Variants in RAB37 observed in about 807,000 individuals in gnomAD.
RAB37 encodes ras-related protein Rab-37.
In RAB37, 29 loss-of-function variants were observed where a neutral mutation model predicts 33.1. The observed-to-expected ratio is 0.88, with a 90% confidence interval of 0.65 to 1.20. RAB37 has a LOEUF of 1.20. Ranked by LOEUF, RAB37 falls within the 50% of genes most tolerant of loss-of-function variation. The probability of loss-of-function intolerance (pLI) is 0.00; values close to 1 mark genes in which losing one functional copy is unlikely to be tolerated. For missense variants in RAB37, 299 were observed against 301.1 expected (o/e 0.99, Z 0.05); for synonymous variants, 128 against 119.5 (o/e 1.07, Z -0.47).
intron 1 of RAB37, chr17:74,703,053 C>T (rs1473250219): frequency 1.2e-6 from 2 of 1,613,814 alleles, no homozygotes; most frequent in Admixed American, 1.7e-5. Flanking sequence ...CAAGTGGTGG[C>T]CGGTCAGAGT....
At chr17:74,684,527 C>T (rs148519888) in intron 1 of RAB37, among the ~76,000 whole-genome samples, 12 of 152,246 alleles carry the variant, frequency 7.9e-5, no homozygotes, top group Non-Finnish European at 1.6e-4. Flanking sequence ...GTGGCTTACG[C>T]CTATAATCCC....
At chr17:74,707,098 C>A (rs1477194899) in intron 1 of RAB37, among the ~76,000 whole-genome samples, 2 of 152,104 alleles carry the variant, frequency 1.3e-5, no homozygotes, top group Non-Finnish European at 2.9e-5. Context: ...GGAGAGGACG[C>A]CAAAAGCACA....
intron 1 of RAB37, among the ~76,000 whole-genome samples, chr17:74,682,985 A>G (rs531781279): frequency 5.3e-5 from 8 of 152,304 alleles, no homozygotes; most frequent in African/African-American, 1.9e-4. Flanking sequence ...AAAACAACAG[A>G]TGTCCCATGG....
chr17:74,683,113 T>C (rs2031986341), intron 1 of RAB37, among the ~76,000 whole-genome samples: 1 of 152,214 alleles, frequency 6.6e-6, no homozygotes, highest in African/African-American at 2.4e-5. Context: ...GCCTCACACA[T>C]AGTGTCATTT....
chr17:74,722,817 T>C lies in RAB37; in HGVS notation c.73-6439T>C, dbSNP rs796215507. ...GAATCTTCTGTCAACCAAAACATTT[T>C]TATTGCAGCAAATCTATCGATCTTT... is the stretch of plus-strand genomic sequence containing the variant. On this transcript the variant is annotated intron_variant, in intron 1 of 7. Coordinates refer to the RAB37 transcript ENST00000340415. Among the ~76,000 whole-genome samples, 29 of 152,366 alleles carry C rather than the reference T, an allele frequency of 1.9e-4. 1 individual carries two copies. Among genetic ancestry groups the C allele is most frequent in the African/African-American group, 7.0e-4 (29 of 41,584 alleles).
intron 1 of RAB37, among the ~76,000 whole-genome samples, chr17:74,727,333 T>C (rs1490452722): frequency 4.6e-5 from 7 of 152,252 alleles, no homozygotes; most frequent in African/African-American, 1.4e-4. Context: ...GGGAAATGCC[T>C]GTGAGAGAAA....
At chr17:74,735,863 G>A, upstream of RAB37, among the ~76,000 whole-genome samples, 1 of 152,278 alleles carries the variant, frequency 6.6e-6, no homozygotes. Context: ...ACAGGCCTAT[G>A]GTGGCCCATA....
intron 1 of RAB37, among the ~76,000 whole-genome samples, chr17:74,711,725 G>A (rs983983017): frequency 1.1e-4 from 17 of 152,112 alleles, no homozygotes; most frequent in Admixed American, 7.2e-4. Flanking sequence ...GTCTCGGCTC[G>A]GACAGGCATC....
rs183592535 is a variant in RAB37, at chr17:74,674,734, C to T, written c.72+3076C>T. Among the ~76,000 whole-genome samples, 295 of 152,232 alleles carry T rather than the reference C, an allele frequency of 1.9e-3. 3 individuals are homozygous for T. The highest frequency in any genetic ancestry group is 6.8e-3 in the African/African-American group (282 of 41,544). On this transcript the variant is annotated intron_variant, in intron 1 of 7. Coordinates refer to the RAB37 transcript ENST00000340415. ...AAAAATCCTGAATCTTATGTGTCTA[C>T]CTTGGTGAATTATCACAAAGTGAAC...
chr17:74,701,926 G>A (rs1157058158), intron 1 of RAB37, among the ~76,000 whole-genome samples: 2 of 151,832 alleles, frequency 1.3e-5, no homozygotes, highest in Non-Finnish European at 2.9e-5. Context: ...GGAGACTGAG[G>A]CATGAGAATT....
chr17:74,689,926 G>A (rs1299190418), intron 1 of RAB37, among the ~76,000 whole-genome samples: 1 of 152,046 alleles, frequency 6.6e-6, no homozygotes, highest in East Asian at 1.9e-4. Flanking sequence ...TTCTCAAAAG[G>A]AGGCTGTCCA....
chr17:74,735,018 G>GAAGGAAGGAAGAAAGAAAGAAAGA (rs1207905817), upstream of RAB37, among the ~76,000 whole-genome samples: 66 of 82,308 alleles, frequency 8.0e-4, no homozygotes, highest in Non-Finnish European at 1.1e-3. Flanking sequence ...AGGAAGGAAG[G>GAAGGAAGGAAGAAAGAAAGAAAGA]AAGAAAGAAA....
intron 1 of RAB37, among the ~76,000 whole-genome samples, chr17:74,740,358 G>A (rs990028669): frequency 1.2e-4 from 18 of 152,148 alleles, no homozygotes; most frequent in African/African-American, 3.9e-4. Flanking sequence ...CAGCCCATGC[G>A]TGTACTCACG....
At chr17:74,683,535 G>A (rs1890635931) in intron 1 of RAB37, among the ~76,000 whole-genome samples, 2 of 152,154 alleles carry the variant, frequency 1.3e-5, no homozygotes, top group South Asian at 2.1e-4. Context: ...GTCACATAAC[G>A]CCCTGCACTT....
Position 74,696,990 on chromosome 17 carries a change from G to A in RAB37, c.72+25332G>A, listed in dbSNP as rs115603688. ...GAGTTTCTCTCTTGTCACCCATGCC[G>A]GAGGGCAATGGCACCATCTTGGCTC... On this transcript the variant is annotated intron_variant, in intron 1 of 7. Transcript: ENST00000340415. Among the ~76,000 whole-genome samples, 166 of 152,222 alleles carry A rather than the reference G, an allele frequency of 1.1e-3. 1 individual carries two copies. Among genetic ancestry groups the A allele is most frequent in the African/African-American group, 3.5e-3 (145 of 41,536 alleles).
chr17:74,707,097 G>A (rs2033583402), intron 1 of RAB37, among the ~76,000 whole-genome samples: 1 of 152,092 alleles, frequency 6.6e-6, no homozygotes, highest in Non-Finnish European at 1.5e-5. Context: ...TGGAGAGGAC[G>A]CCAAAAGCAC....
chr17:74,724,531 A>T (rs2034282494), intron 1 of RAB37, among the ~76,000 whole-genome samples: 1 of 152,192 alleles, frequency 6.6e-6, no homozygotes, highest in African/African-American at 2.4e-5. Context: ...AGACCACCAA[A>T]CAGGCTTTGT....
upstream of RAB37, chr17:74,737,176 G>A (rs1190798779): frequency 3.2e-6 from 5 of 1,543,078 alleles, no homozygotes; most frequent in African/African-American, 5.5e-5. Context: ...GAGGGGTCCC[G>A]GTCGAGGGAG....
At chr17:74,718,866 A>T (rs1181762007) in intron 1 of RAB37, among the ~76,000 whole-genome samples, 1 of 152,226 alleles carries the variant, frequency 6.6e-6, no homozygotes, top group Non-Finnish European at 1.5e-5. Context: ...TTCAGGTTAC[A>T]TGAAGGATCA....
Sources: gnomAD v4.1 joint callset for allele counts (sites outside exome capture counted in the v4.1 genomes callset) on GRCh38, gnomAD v4.1.1 for gene constraint, MANE v1.5 for transcripts, NCBI Gene and HGNC (gene_info 2026-07-23, HGNC 2026-07-21) for gene names.